RNF150: variants seen among roughly 807,000 people sequenced by gnomAD.
RNF150 encodes ring finger protein 150.
A neutral mutation model predicts 39.3 loss-of-function variants in RNF150; 24 were observed. The observed-to-expected ratio is 0.61, with a 90% CI of 0.44 to 0.86. The LOEUF (loss-of-function observed/expected upper bound fraction) is 0.86, where lower values mean the gene tolerates loss of function less well. Ranked by LOEUF, RNF150 falls within the 40% of genes least tolerant of loss-of-function variation. RNF150 has a pLI of 0.00. For missense variants in RNF150, 502 were observed against 587.8 expected, an observed-to-expected ratio of 0.85 and a Z score of 1.51; for synonymous variants, 255 against 227.3, an observed-to-expected ratio of 1.12 and a Z score of -1.10.
intron 1 of RNF150, among the ~76,000 whole-genome samples, chr4:141,103,215 T>C (rs1276046724): frequency 6.6e-6 from 1 of 152,142 alleles, no homozygotes; most frequent in African/African-American, 2.4e-5. Context: ...TGGCCTCCAA[T>C]AAAAACTATC....
intron 1 of RNF150, among the ~76,000 whole-genome samples, chr4:141,139,432 A>C (rs1011304437): frequency 6.6e-6 from 1 of 152,198 alleles, no homozygotes; most frequent in Admixed American, 6.5e-5. Flanking sequence ...GTAATTCCAC[A>C]TAGAAATGAA....
intron 1 of RNF150, among the ~76,000 whole-genome samples, chr4:141,156,457 A>G (rs1352539576): frequency 6.6e-6 from 1 of 151,886 alleles, no homozygotes; most frequent in Non-Finnish European, 1.5e-5. Flanking sequence ...ATTTTTTGAC[A>G]TTATTTTAGA....
At chr4:140,994,352 C>T (rs990065005) in intron 1 of RNF150, among the ~76,000 whole-genome samples, 1 of 152,168 alleles carries the variant, frequency 6.6e-6, no homozygotes. Flanking sequence ...GCTCAAAGTC[C>T]CAGCCCATCT....
chr4:141,105,491 C>G (rs557033771), intron 1 of RNF150, among the ~76,000 whole-genome samples: 4 of 152,152 alleles, frequency 2.6e-5, no homozygotes, highest in African/African-American at 9.7e-5. Flanking sequence ...CCAAAATGTT[C>G]TTTTCTTGCC....
intron 1 of RNF150, among the ~76,000 whole-genome samples, chr4:141,077,625 G>A (rs1221729976): frequency 6.6e-6 from 1 of 152,232 alleles, no homozygotes; most frequent in Admixed American, 6.5e-5. Context: ...CAAGAACAGA[G>A]CCCACATTCC....
At chr4:140,882,779 CT>C (rs147998632) in intron 6 of RNF150, among the ~76,000 whole-genome samples, 26,800 of 152,060 alleles carry the variant, frequency 0.18, 2,937 homozygotes, top group Middle Eastern at 0.31. Flanking sequence ...CTTTTTTCAT[CT>C]TTTCCCTTTA....
At position 141,169,115 on chromosome 4, in the gene RNF150, G is replaced by C. The variant is rs938915199; in HGVS notation, c.-6+43679C>G. On this transcript the variant is annotated intron_variant, in intron 1 of 7. Transcript: ENST00000420921. ...ATTCCTCATGTTGGAAGTGGGGCCT[G>C]GTGGGAGGTGGTTAGATCATGGGGG... 1.8e-4 allele frequency among the ~76,000 whole-genome samples: 28 copies of C among 152,212 alleles called. No homozygotes were observed. The East Asian group carries it at 3.1e-3, about 17-fold the overall frequency.
Position 140,911,247 on chromosome 4 carries a change from A to G in RNF150, c.1095T>C (p.Ser365=). ...GGACAGCAGGGTCCAAAGTGACTGA[A>G]CTTTCATTCACTGTTGTGTCGCTGG... ...TGASDTTVNE[S]SVTLDPAVRT... is the part of the protein sequence containing the mutation. The change falls in exon 6 of 7, where the codon AGT becomes AGC. Residue 365 remains serine, a synonymous_variant. Transcript: ENST00000515673. 1.2e-6 allele frequency: 2 copies of G among 1,614,056 alleles called. No homozygotes were observed. Among genetic ancestry groups the G allele is most frequent in the Non-Finnish European group, 1.7e-6 (2 of 1,180,004 alleles).
chr4:141,152,886 G>GT (rs1185744312), intron 1 of RNF150, among the ~76,000 whole-genome samples: 1 of 152,014 alleles, frequency 6.6e-6, no homozygotes, highest in African/African-American at 2.4e-5. Flanking sequence ...GAATATGCAG[G>GT]TTTTTTACAT....
intron 1 of RNF150, among the ~76,000 whole-genome samples, chr4:141,162,702 G>A (rs1727536396): frequency 6.6e-6 from 1 of 152,058 alleles, no homozygotes; most frequent in Admixed American, 6.5e-5. Context: ...ACCACAAGGG[G>A]TCAAGGAACT....
At chr4:140,887,471 T>C (rs1729619456) in intron 6 of RNF150, among the ~76,000 whole-genome samples, 1 of 152,264 alleles carries the variant, frequency 6.6e-6, no homozygotes, top group Non-Finnish European at 1.5e-5. Flanking sequence ...TCTTTGCCCA[T>C]TAATGTGCTG....
chr4:140,875,333 C>G (rs546861383), intron 6 of RNF150, among the ~76,000 whole-genome samples: 17 of 152,178 alleles, frequency 1.1e-4, no homozygotes, highest in Non-Finnish European at 2.5e-4. Context: ...CCACCCATAT[C>G]TGGCTAATTA....
At chr4:141,203,433 G>A (rs1485107256) in intron 1 of RNF150, among the ~76,000 whole-genome samples, 3 of 150,708 alleles carry the variant, frequency 2.0e-5, no homozygotes, top group Non-Finnish European at 4.4e-5. Flanking sequence ...TATTTATGCA[G>A]GCAAAAATAC....
intron 1 of RNF150, among the ~76,000 whole-genome samples, chr4:141,161,181 G>A (rs1727506029): frequency 6.6e-6 from 1 of 152,162 alleles, no homozygotes; most frequent in Non-Finnish European, 1.5e-5. Flanking sequence ...AGATGAAGAT[G>A]AGGAACTTAT....
chr4:140,868,438 A>G, intron 6 of RNF150, 59 bp from the exon 7 acceptor site: 1 of 909,680 alleles, frequency 1.1e-6, no homozygotes. Context: ...CATGCTGCTT[A>G]TTTCAGTACA....
intron 1 of RNF150, among the ~76,000 whole-genome samples, chr4:141,009,580 C>T (rs1281144451): frequency 6.6e-6 from 1 of 152,184 alleles, no homozygotes; most frequent in Non-Finnish European, 1.5e-5. Flanking sequence ...AGAACAGTGA[C>T]TGGAAATTAG....
intron 1 of RNF150, among the ~76,000 whole-genome samples, chr4:140,993,871 C>A (rs1734275382): frequency 6.6e-6 from 1 of 152,100 alleles, no homozygotes; most frequent in Non-Finnish European, 1.5e-5. Flanking sequence ...GGAGAGAATT[C>A]TAAGTAAGAT....
At chr4:141,128,742 C>A (rs979553547) in intron 1 of RNF150, among the ~76,000 whole-genome samples, 1 of 152,034 alleles carries the variant, frequency 6.6e-6, no homozygotes, top group Non-Finnish European at 1.5e-5. Context: ...GAAGCAGATT[C>A]TCTCTATTAA....
intron 1 of RNF150, among the ~76,000 whole-genome samples, chr4:141,060,765 A>G (rs570284657): frequency 5.9e-5 from 9 of 152,340 alleles, no homozygotes; most frequent in East Asian, 1.9e-4. Flanking sequence ...CATAGACTAG[A>G]TAAAGAAAAT....
Sources: allele counts gnomAD v4.1 joint callset (sites outside exome capture counted in the v4.1 genomes callset), GRCh38; gene constraint gnomAD v4.1.1; transcripts MANE v1.5; gene names NCBI Gene and HGNC (gene_info 2026-07-23, HGNC 2026-07-21).